DDR2: variants seen among roughly 807,000 people sequenced by gnomAD.
DDR2 encodes the protein discoidin domain receptor tyrosine kinase 2.
In DDR2, 27 loss-of-function variants were observed where a neutral mutation model predicts 94.9. The ratio of observed to expected loss-of-function variants is 0.28; its 90% CI spans 0.21 to 0.39. The LOEUF (loss-of-function observed/expected upper bound fraction) is 0.39. Among genes scored for constraint, DDR2 ranks in the 10% least tolerant of loss-of-function variants. DDR2 has a pLI of 1.00. For missense variants in DDR2, 783 were observed against 1,076.0 expected, an observed-to-expected ratio of 0.73 and a Z score of 3.81; for synonymous variants, 382 against 377.2, an observed-to-expected ratio of 1.01 and a Z score of -0.15.
At position 162,767,221 on chromosome 1, in the gene DDR2, G is replaced by C. The variant is rs776370776; in HGVS notation, c.1163-8G>C. ...ATTGTATTCTCTGCCTTCTCTCCCT[G>C]GTCACAGATCCAATGCTTAAAGTTG... On this transcript the variant is annotated splice_polypyrimidine_tract_variant and splice_region_variant and intron_variant, in intron 10 of 17. Coordinates refer to ENST00000367921, the MANE Select transcript of DDR2 (RefSeq NM_006182.4). The C allele has an allele frequency of 6.2e-7, 1 of 1,613,950 alleles. No homozygotes were observed. The highest frequency in any genetic ancestry group is 8.5e-7 in the Non-Finnish European group (1 of 1,179,936).
intron 3 of DDR2, among the ~76,000 whole-genome samples, chr1:162,728,019 A>T (rs932427863): frequency 2.8e-5 from 4 of 141,900 alleles, no homozygotes; most frequent in Non-Finnish European, 3.0e-5. Context: ...TATAGATATA[A>T]TCACACTATA....
At chr1:162,698,993 A>G (rs775572157) in intron 2 of DDR2, among the ~76,000 whole-genome samples, 8 of 152,206 alleles carry the variant, frequency 5.3e-5, no homozygotes, top group Non-Finnish European at 1.0e-4. Flanking sequence ...TCTGTAATCC[A>G]AAATTGGGAT....
chr1:162,650,661 G>T (rs764810087), intron 1 of DDR2, among the ~76,000 whole-genome samples: 3 of 152,010 alleles, frequency 2.0e-5, no homozygotes, highest in Non-Finnish European at 4.4e-5. Context: ...AGACTCCCAG[G>T]CTTTTCGACT....
chr1:162,766,140 G>T, intron 10 of DDR2, 77 bp downstream of exon 10: 1 of 1,525,342 alleles, frequency 6.6e-7, no homozygotes, highest in South Asian at 1.1e-5. Context: ...GAGTTGCAAA[G>T]CCCTGGCTGT....
chr1:162,758,216 T>G (rs1267310276), intron 7 of DDR2, among the ~76,000 whole-genome samples: 1 of 152,160 alleles, frequency 6.6e-6, no homozygotes, highest in African/African-American at 2.4e-5. Context: ...GGCTTTCATT[T>G]AATAATTGAA....
At chr1:162,692,602 T>C (rs1323188530) in intron 2 of DDR2, among the ~76,000 whole-genome samples, 2 of 152,210 alleles carry the variant, frequency 1.3e-5, no homozygotes, top group African/African-American at 4.8e-5. Flanking sequence ...TGCCACTACA[T>C]ACCCACTAAA....
chr1:162,712,507 C>T (rs1026755273), intron 2 of DDR2, among the ~76,000 whole-genome samples: 15 of 152,150 alleles, frequency 9.9e-5, no homozygotes, highest in African/African-American at 3.6e-4. Flanking sequence ...GCCTGATCTT[C>T]CATTTTACTT....
chr1:162,694,979 G>A (rs779567447), intron 2 of DDR2, among the ~76,000 whole-genome samples: 8 of 152,074 alleles, frequency 5.3e-5, no homozygotes, highest in Non-Finnish European at 8.8e-5. Flanking sequence ...GAATGTATCC[G>A]TGAAAAATAT....
rs1465073479 is a variant in DDR2 at position 162,761,537 on chromosome 1, G to A, written c.1099+83G>A. 2.5e-6 allele frequency: 4 copies of A among 1,604,116 alleles called. No individual in the cohort carries two copies. In the Admixed American group the frequency reaches 5.0e-5, roughly 20 times the overall value. On this transcript the variant is annotated intron_variant, in intron 9 of 17. Transcript: ENST00000367921. Reference sequence around the variant, plus strand: ...CATGCCCAGAACTTCTCATTAGCAGGTCTCTGAGAGGAGTGGGATTGTACA... The same window carrying A: ...CATGCCCAGAACTTCTCATTAGCAGATCTCTGAGAGGAGTGGGATTGTACA...
In DDR2 at chr1:162,749,527, CA is replaced by C. The variant is rs536190428; in HGVS notation, c.83-3561del. Reference sequence around the variant, plus strand: ...CGGCAATAATTAATAGCCTACCAACCAAAAAAAGTCCAGGACCAGATGGATG... The same window carrying C: ...CGGCAATAATTAATAGCCTACCAACCAAAAAAGTCCAGGACCAGATGGATG... On this transcript the variant is annotated intron_variant, in intron 3 of 17. Coordinates refer to ENST00000367921, the MANE Select transcript of DDR2 (RefSeq NM_006182.4). Among the ~76,000 whole-genome samples the C allele has an allele frequency of 2.4e-3, 367 of 152,124 alleles. 3 individuals carry two copies. Among genetic ancestry groups the C allele is most frequent in the African/African-American group, 8.4e-3 (349 of 41,510 alleles).
chr1:162,671,829 C>T (rs755968281), intron 2 of DDR2, among the ~76,000 whole-genome samples: 1 of 152,134 alleles, frequency 6.6e-6, no homozygotes, highest in East Asian at 1.9e-4. Context: ...TATCACAATT[C>T]GTTTTGTCAT....
intron 2 of DDR2, among the ~76,000 whole-genome samples, chr1:162,673,732 T>TAAAAC (rs145557802): frequency 0.096 from 14,469 of 150,936 alleles, 2,329 homozygotes; most frequent in African/African-American, 0.33. Flanking sequence ...GCACTTTAGT[T>TAAAAC]AAAACAAAAC....
intron 2 of DDR2, among the ~76,000 whole-genome samples, chr1:162,718,325 A>G (rs1661262015): frequency 1.3e-5 from 2 of 152,198 alleles, no homozygotes; most frequent in African/African-American, 2.4e-5. Flanking sequence ...ATGTTATTAG[A>G]AATCAAGATC....
At chr1:162,723,730 C>T (rs572957308) in intron 3 of DDR2, among the ~76,000 whole-genome samples, 10 of 152,290 alleles carry the variant, frequency 6.6e-5, no homozygotes, top group African/African-American at 1.9e-4. Context: ...AGCAGGCAAA[C>T]CAGGCCTTTA....
At chr1:162,744,554 A>C (rs1295243000) in intron 3 of DDR2, among the ~76,000 whole-genome samples, 1 of 152,000 alleles carries the variant, frequency 6.6e-6, no homozygotes, top group Non-Finnish European at 1.5e-5. Context: ...TCTGGGGTAC[A>C]TGTGCATAAT....
intron 3 of DDR2, among the ~76,000 whole-genome samples, chr1:162,730,378 A>C (rs1661981501): frequency 6.6e-6 from 1 of 152,192 alleles, no homozygotes; most frequent in Non-Finnish European, 1.5e-5. Context: ...TTTAGGCTAC[A>C]AGCGGAGCAT....
rs981725995 is a variant in DDR2 at position 162,716,638 on chromosome 1, C to G, written c.-27-2399C>G. 3.3e-5 allele frequency among the ~76,000 whole-genome samples: 5 copies of G among 152,106 alleles called. No homozygotes were observed. The South Asian group carries it at 1.0e-3, about 32-fold the overall frequency. ...ACCCCTCAGCCCCTCACTATGGGGC[C>G]ATTTAAATCTTCCGTGTTTTATTTG... is the stretch of plus-strand genomic sequence containing the variant. On this transcript the variant is annotated intron_variant, in intron 2 of 17. Transcript: ENST00000367921.
At chr1:162,707,490 C>T (rs1006031941) in intron 2 of DDR2, among the ~76,000 whole-genome samples, 1 of 152,166 alleles carries the variant, frequency 6.6e-6, no homozygotes, top group Non-Finnish European at 1.5e-5. Context: ...CATGGTCTTT[C>T]CTAAAGTCTG....
At chr1:162,766,593 G>A (rs1404142885) in intron 10 of DDR2, among the ~76,000 whole-genome samples, 1 of 152,116 alleles carries the variant, frequency 6.6e-6, no homozygotes, top group Admixed American at 6.5e-5. Context: ...TTTTTCATGA[G>A]GTGTGATTAA....
Sources: gnomAD v4.1 joint callset for allele counts (sites outside exome capture counted in the v4.1 genomes callset) on GRCh38, gnomAD v4.1.1 for gene constraint, MANE v1.5 for transcripts, NCBI Gene and HGNC (gene_info 2026-07-23, HGNC 2026-07-21) for gene names.